ALDH1L2: variants seen among roughly 807,000 people sequenced by gnomAD.
ALDH1L2 encodes mitochondrial 10-formyltetrahydrofolate dehydrogenase.
ALDH1L2 carries 91 observed loss-of-function variants against 111.0 expected under a neutral mutation model. The observed-to-expected ratio is 0.82, with a 90% CI of 0.69 to 0.98. ALDH1L2 has a LOEUF of 0.98. Ranked by LOEUF, ALDH1L2 falls within the 50% of genes least tolerant of loss-of-function variation. The pLI is 0.00. For synonymous variants in ALDH1L2, 374 were observed against 392.6 expected, an observed-to-expected ratio of 0.95 and a Z score of 0.56; for missense variants, 995 against 1,126.8, an observed-to-expected ratio of 0.88 and a Z score of 1.67.
At chr12:105,034,773 C>T (rs1391200539) in intron 18 of ALDH1L2, among the ~76,000 whole-genome samples, 1 of 152,062 alleles carries the variant, frequency 6.6e-6, no homozygotes, top group Admixed American at 6.6e-5. Flanking sequence ...ATCACAAGGT[C>T]AGGAGTTCAA....
At chr12:105,077,634 C>T (rs1878128525) in intron 1 of ALDH1L2, among the ~76,000 whole-genome samples, 1 of 151,586 alleles carries the variant, frequency 6.6e-6, no homozygotes, top group Non-Finnish European at 1.5e-5. Flanking sequence ...GGGAGCAGAG[C>T]CTTTGCTTTC....
chr12:105,058,313 G>C (rs117769618), intron 9 of ALDH1L2, 93 bp from the exon 10 acceptor site: 17 of 1,330,302 alleles, frequency 1.3e-5, no homozygotes, highest in Admixed American at 2.6e-5. Context: ...TTTGAGGTAA[G>C]ACTTACATCA....
At chr12:105,041,576 A>G (rs2136062741) in intron 15 of ALDH1L2, among the ~76,000 whole-genome samples, 1 of 152,290 alleles carries the variant, frequency 6.6e-6, no homozygotes, top group African/African-American at 2.4e-5. Flanking sequence ...ATTTTTATCC[A>G]CTAGTTTTAG....
intron 15 of ALDH1L2, among the ~76,000 whole-genome samples, chr12:105,041,158 A>G (rs1189436174): frequency 6.6e-6 from 1 of 152,236 alleles, no homozygotes; most frequent in East Asian, 1.9e-4. Flanking sequence ...GATTTCACCA[A>G]TTATCCCAAT....
intron 19 of ALDH1L2, among the ~76,000 whole-genome samples, chr12:105,032,519 G>A (rs1046510122): frequency 2.0e-5 from 3 of 152,126 alleles, no homozygotes; most frequent in Non-Finnish European, 2.9e-5. Context: ...GATTACAGGC[G>A]TGAGCCACCG....
chr12:105,062,942 C>G lies in ALDH1L2; in HGVS notation c.867G>C (p.Lys289Asn). 1 of 1,614,126 alleles carries G rather than the reference C, an allele frequency of 6.2e-7. No homozygotes were observed. The highest frequency in any genetic ancestry group is 8.5e-7 in the Non-Finnish European group (1 of 1,180,020). Reference protein sequence around the residue: ...GEPLEIKGAKKPGLVTKNGLV... With the variant: ...GEPLEIKGAKNPGLVTKNGLV... ...GTCCATTTTTGGTAACGAGACCAGG[C>G]TTCTTGGCACCTTTAATTTCCAGTG... Residue 289 changes from lysine to asparagine, a missense_variant, in exon 7 of 23, where the codon AAG (lysine) becomes AAC (asparagine). Transcript: ENST00000258494.
intron 8 of ALDH1L2, 28 bp downstream of exon 8, chr12:105,061,599 A>C (rs200092673): frequency 3.4e-5 from 54 of 1,611,874 alleles, no homozygotes; most frequent in Non-Finnish European, 4.5e-5. Context: ...CCAAGGTAAC[A>C]GTAAGATTTA....
rs778658331 is a variant in ALDH1L2, at chr12:105,061,724, T to C, written c.950A>G (p.Asp317Gly). Reference sequence around the variant, plus strand: ...CTGAGAGGCAGGGATCATTTTTCCATCTTCAAACTGCAGATTTCTCACCGT... The same window carrying C: ...CTGAGAGGCAGGGATCATTTTTCCACCTTCAAACTGCAGATTTCTCACCGT... ...ALTVRNLQFE[D>G]GKMIPASQYF... Residue 317 changes from aspartate (D) to glycine (G), a missense_variant, in exon 8 of 23, where the codon GAT becomes GGT. Physicochemically the swap from Asp to Gly is moderately conservative, Grantham distance 94. Coordinates refer to ENST00000258494, the MANE Select transcript of ALDH1L2 (RefSeq NM_001034173.4). The C allele has an allele frequency of 6.2e-7, 1 of 1,614,134 alleles. No individual in the cohort carries two copies. Among genetic ancestry groups the C allele is most frequent in the East Asian group, 2.2e-5 (1 of 44,880 alleles).
intron 9 of ALDH1L2, 118 bp from the exon 10 acceptor site, chr12:105,058,338 T>G: frequency 1.0e-6 from 1 of 977,342 alleles, no homozygotes; most frequent in Non-Finnish European, 1.4e-6. Flanking sequence ...CCTATTTATA[T>G]CCTATGAGAT....
At position 105,084,444 on chromosome 12, in the gene ALDH1L2, A is replaced by G. The variant is rs1878497798; in HGVS notation, c.-8T>C. On this transcript the variant is annotated 5_prime_UTR_variant, in exon 1 of 23. Transcript: ENST00000258494. ...GCTGCCCCGCCGCAGCATGCTGGAGAGGAGCGCTAGCACTGGCGACGCGGC... is the reference window on the plus strand; with the variant it reads ...GCTGCCCCGCCGCAGCATGCTGGAGGGGAGCGCTAGCACTGGCGACGCGGC... The G allele has an allele frequency of 6.7e-7, 1 of 1,486,240 alleles. No homozygotes were observed. The allele number at this position is 1,486,240 out of a possible 1,614,324, so 92.1% of individuals were successfully genotyped here. A position where few individuals can be genotyped will look rare whatever the true frequency, so the allele number is the denominator to read the frequency against.
chr12:105,058,113 A>G lies in ALDH1L2; in HGVS notation c.1247T>C (p.Leu416Pro). The G allele has an allele frequency of 1.2e-6, 2 of 1,613,402 alleles. No individual in the cohort carries two copies. Among genetic ancestry groups the G allele is most frequent in the Non-Finnish European group, 1.7e-6 (2 of 1,179,776 alleles). Residue 416 changes from leucine (L) to proline (P), a missense_variant, in exon 10 of 23, where the codon CTG becomes CCG. Physicochemically the swap from Leu to Pro is moderately conservative, Grantham distance 98. Coordinates refer to ENST00000258494, the MANE Select transcript of ALDH1L2 (RefSeq NM_001034173.4). ...CTCCACCTCTTGATCTTCTCCTCTC[A>G]GTTTCCTCACGACCTTTTGGATAAA... is the stretch of plus-strand genomic sequence containing the variant. ...EGFIQKVVRK[L>P]RGEDQEVELV...
chr12:105,038,279 AACACACACACACACACACAC>A (rs555214940), intron 17 of ALDH1L2, 77 bp from the exon 18 acceptor site: 23 of 246,930 alleles, frequency 9.3e-5, no homozygotes, highest in African/African-American at 4.1e-4. Flanking sequence ...CACACACACA[AACACACACACACACACACAC>A]ACACACACAC....
At chr12:105,069,452 T>G (rs1197028271) in intron 3 of ALDH1L2, among the ~76,000 whole-genome samples, 1 of 152,198 alleles carries the variant, frequency 6.6e-6, no homozygotes, top group Non-Finnish European at 1.5e-5. Context: ...CATCAATCAC[T>G]AACTCTTCAG....
chr12:105,058,156 C>T lies in ALDH1L2; in HGVS notation c.1204G>A (p.Ala402Thr), dbSNP rs761667411. 3 of 1,613,492 alleles carry T rather than the reference C, an allele frequency of 1.9e-6. No homozygotes were observed. The African/African-American group carries it at 4.0e-5, about 22-fold the overall frequency. The change falls in exon 10 of 23, where the codon GCC becomes ACC. Residue 402 changes from alanine (A) to threonine (T), a missense_variant. Coordinates refer to ENST00000258494, the MANE Select transcript of ALDH1L2 (RefSeq NM_001034173.4). ...LQLQNEDVYMATKFEGFIQKV... is the reference protein window; with the variant it reads ...LQLQNEDVYMTTKFEGFIQKV... ...TGGATAAAGCCTTCAAACTTGGTGG[C>T]CATATAGACATCTTCATTCTGCAAC... is the stretch of plus-strand genomic sequence containing the variant.
chr12:105,049,266 T>G (rs1177560162), intron 13 of ALDH1L2, among the ~76,000 whole-genome samples: 1 of 152,140 alleles, frequency 6.6e-6, no homozygotes, highest in African/African-American at 2.4e-5. Flanking sequence ...AGACTTTAGA[T>G]TCGGAAAATC....
intron 10 of ALDH1L2, among the ~76,000 whole-genome samples, chr12:105,056,563 A>G (rs1466507953): frequency 6.6e-6 from 1 of 152,096 alleles, no homozygotes; most frequent in Non-Finnish European, 1.5e-5. Context: ...AACTTCATAA[A>G]GCAATAATTA....
chr12:105,050,125 T>C, intron 12 of ALDH1L2, 67 bp from the exon 13 acceptor site: 2 of 1,416,820 alleles, frequency 1.4e-6, no homozygotes, highest in Non-Finnish European at 1.9e-6. Context: ...TATAATGCAG[T>C]ATCCTAAGGA....
chr12:105,077,642 T>C (rs1878128677), intron 1 of ALDH1L2, among the ~76,000 whole-genome samples: 2 of 151,836 alleles, frequency 1.3e-5, no homozygotes, highest in African/African-American at 2.4e-5. Context: ...AGCCTTTGCT[T>C]TCCAAATTGT....
intron 16 of ALDH1L2, 37 bp downstream of exon 16, chr12:105,040,570 C>T: frequency 6.3e-7 from 1 of 1,591,266 alleles, no homozygotes; most frequent in Non-Finnish European, 8.6e-7. Flanking sequence ...CAGTACCATT[C>T]ATTAGTTATA....
Sources: gnomAD v4.1 joint callset for allele counts (sites outside exome capture counted in the v4.1 genomes callset) on GRCh38, gnomAD v4.1.1 for gene constraint, MANE v1.5 for transcripts, NCBI Gene and HGNC (gene_info 2026-07-23, HGNC 2026-07-21) for gene names.